KLRG1: variants seen among roughly 807,000 people sequenced by gnomAD.
KLRG1 encodes the protein killer cell lectin-like receptor subfamily G member 1.
A neutral mutation model predicts 21.8 loss-of-function variants in KLRG1; 16 were observed. The observed-to-expected ratio is 0.73, with a 90% CI of 0.50 to 1.11. The LOEUF is 1.11. KLRG1 is among the 50% of genes most tolerant of loss of function. The probability of loss-of-function intolerance (pLI) is 0.00; values close to 1 mark genes in which losing one functional copy is unlikely to be tolerated. For missense variants in KLRG1, 173 were observed against 218.3 expected, an observed-to-expected ratio of 0.79 and a Z score of 1.31; for synonymous variants, 69 against 75.9, an observed-to-expected ratio of 0.91 and a Z score of 0.47.
chr12:8,957,841 A>G (rs1003449575), intron 1 of KLRG1, among the ~76,000 whole-genome samples: 3 of 152,188 alleles, frequency 2.0e-5, no homozygotes, highest in African/African-American at 7.2e-5. Flanking sequence ...TCAGAACAGC[A>G]TGCAATGTAA....
At chr12:8,977,881 C>G (rs1946683967) in intron 1 of KLRG1, among the ~76,000 whole-genome samples, 1 of 152,068 alleles carries the variant, frequency 6.6e-6, no homozygotes, top group Non-Finnish European at 1.5e-5. Flanking sequence ...TCTTTTGAGA[C>G]AGGGTCTCAC....
At chr12:9,169,923 C>A in the KLRG1 span, 102 of 173,796 alleles carry the variant, frequency 5.9e-4, 1 homozygote, top group East Asian at 0.015. Context: ...ATACATAATG[C>A]CCTGAGGAAT....
At chr12:9,182,349 T>A in the KLRG1 span, among the ~76,000 whole-genome samples, 1 of 152,190 alleles carries the variant, frequency 6.6e-6, no homozygotes, top group Non-Finnish European at 1.5e-5. Context: ...TTCACTCACA[T>A]CTTTTTTATT....
chr12:9,112,430 T>C, the KLRG1 span: 1 of 1,613,956 alleles, frequency 6.2e-7, no homozygotes. Flanking sequence ...GACCAGACTG[T>C]CCTCGTTCTT....
chr12:9,095,421 C>A, the KLRG1 span: 1 of 976,906 alleles, frequency 1.0e-6, no homozygotes, highest in Non-Finnish European at 1.5e-6. Flanking sequence ...AAGCCACTTA[C>A]CTCTTTATAT....
At chr12:8,965,922 A>G (rs916416222) in intron 1 of KLRG1, among the ~76,000 whole-genome samples, 7 of 152,340 alleles carry the variant, frequency 4.6e-5, no homozygotes, top group Middle Eastern at 3.4e-3. Context: ...GCATCACGCT[A>G]CCTGAATTCA....
chr12:8,995,074 C>CT (rs1301175901), intron 2 of KLRG1, 45 bp from the exon 3 acceptor site: 2 of 1,502,264 alleles, frequency 1.3e-6, no homozygotes, highest in African/African-American at 2.8e-5. Flanking sequence ...ATTTCCAAGA[C>CT]TGAGTGGTCC....
At chr12:9,091,473 T>C in the KLRG1 span, 2 of 1,598,530 alleles carry the variant, frequency 1.3e-6, no homozygotes, top group East Asian at 2.2e-5. Context: ...AGCAGTTAAA[T>C]ACATCCTTTC....
chr12:9,192,122 A>G, the KLRG1 span: 1 of 1,312,138 alleles, frequency 7.6e-7, no homozygotes, highest in Non-Finnish European at 1.1e-6. Flanking sequence ...TTTCCCATTT[A>G]TGAACTGTCA....
chr12:9,164,206 C>T, the KLRG1 span: 27 of 1,610,448 alleles, frequency 1.7e-5, no homozygotes, highest in East Asian at 3.6e-4. Context: ...ATTCTTCTCC[C>T]TTTGTATTTT....
At chr12:8,972,037 T>C (rs760163699) in intron 1 of KLRG1, among the ~76,000 whole-genome samples, 6 of 152,252 alleles carry the variant, frequency 3.9e-5, no homozygotes, top group Non-Finnish European at 8.8e-5. Flanking sequence ...ATTTTTACTT[T>C]TGTTGTCTGT....
chr12:9,107,591 T>A, the KLRG1 span: 2 of 1,614,034 alleles, frequency 1.2e-6, no homozygotes, highest in Non-Finnish European at 1.7e-6. Flanking sequence ...GTCACTATAC[T>A]TTCTGCAAAT....
chr12:8,991,696 C>T (rs1436053775), intron 1 of KLRG1, among the ~76,000 whole-genome samples: 1 of 152,040 alleles, frequency 6.6e-6, no homozygotes, highest in Admixed American at 6.6e-5. Context: ...TATATATTCA[C>T]TTTATGGATA....
the KLRG1 span, among the ~76,000 whole-genome samples, chr12:9,017,948 A>G: frequency 2.0e-5 from 3 of 152,266 alleles, no homozygotes; most frequent in Non-Finnish European, 4.4e-5. Flanking sequence ...ACAAAAAATC[A>G]GTAGCATTTC....
the KLRG1 span, among the ~76,000 whole-genome samples, chr12:9,055,183 C>T: frequency 6.6e-6 from 1 of 152,128 alleles, no homozygotes; most frequent in Non-Finnish European, 1.5e-5. Flanking sequence ...ATGACTCCCA[C>T]CTAAACATAA....
chr12:9,204,127 C>A, the KLRG1 span, among the ~76,000 whole-genome samples: 1 of 152,172 alleles, frequency 6.6e-6, no homozygotes, highest in Admixed American at 6.5e-5. Flanking sequence ...TTATCTTTTA[C>A]TCATCAGCCA....
the KLRG1 span, chr12:9,090,041 T>C: frequency 6.3e-7 from 1 of 1,579,144 alleles, no homozygotes; most frequent in Non-Finnish European, 8.7e-7. Flanking sequence ...AAAAGGCCAG[T>C]AGAAATGAAT....
the KLRG1 span, chr12:9,135,259 CA>C: frequency 3.8e-6 from 1 of 261,260 alleles, no homozygotes; most frequent in Non-Finnish European, 8.0e-6. Flanking sequence ...TACAAAAGAT[CA>C]AGTTATCTTT....
chr12:9,193,282 A>T, the KLRG1 span, among the ~76,000 whole-genome samples: 2 of 152,104 alleles, frequency 1.3e-5, no homozygotes, highest in African/African-American at 4.8e-5. Context: ...CCTTGTGGTA[A>T]CTGCTCCTTA....
Sources: gnomAD v4.1 joint callset for allele counts (sites outside exome capture counted in the v4.1 genomes callset) on GRCh38, gnomAD v4.1.1 for gene constraint, MANE v1.5 for transcripts, NCBI Gene and HGNC (gene_info 2026-07-23, HGNC 2026-07-21) for gene names.